The following GALNT13 variants were observed in gnomAD, a reference collection of about 807,000 sequenced individuals.
GALNT13 encodes the protein polypeptide N-acetylgalactosaminyltransferase 13.
A neutral mutation model predicts 64.2 loss-of-function variants in GALNT13; 28 were observed. That is an observed-to-expected ratio of 0.44 (90% CI 0.32 to 0.60). The LOEUF (loss-of-function observed/expected upper bound fraction) is 0.60. Ranked by LOEUF, GALNT13 falls within the 20% of genes least tolerant of loss-of-function variation. The probability of loss-of-function intolerance (pLI) is 0.05; values close to 1 mark genes in which losing one functional copy is unlikely to be tolerated. For synonymous variants in GALNT13, 214 were observed against 224.6 expected (o/e 0.95, Z 0.42); for missense variants, 577 against 669.8 (o/e 0.86, Z 1.53).
At chr2:153,777,271 A>G in the GALNT13 span, among the ~76,000 whole-genome samples, 5,023 of 152,200 alleles carry the variant, frequency 0.033, 111 homozygotes, top group African/African-American at 0.048. Context: ...AGTCACCTCT[A>G]TTATCTTTGT....
chr2:153,641,057 G>C, the GALNT13 span, among the ~76,000 whole-genome samples: 1 of 152,048 alleles, frequency 6.6e-6, no homozygotes, highest in African/African-American at 2.4e-5. Flanking sequence ...AATGGTTCAA[G>C]CATTCTTTGC....
At chr2:153,882,780 C>G (rs1257558862) in intron 1 of GALNT13, among the ~76,000 whole-genome samples, 1 of 151,810 alleles carries the variant, frequency 6.6e-6, no homozygotes, top group Non-Finnish European at 1.5e-5. Context: ...AGAAATGTCT[C>G]ACCACACCCA....
chr2:154,370,572 A>G (rs754387700), intron 9 of GALNT13, among the ~76,000 whole-genome samples: 1 of 152,126 alleles, frequency 6.6e-6, no homozygotes, highest in African/African-American at 2.4e-5. Flanking sequence ...TAAGTTTCTT[A>G]TGAGCTGCTG....
chr2:154,284,550 C>CACACACAT (rs1271083683), intron 8 of GALNT13, among the ~76,000 whole-genome samples: 1 of 150,872 alleles, frequency 6.6e-6, no homozygotes, highest in African/African-American at 2.4e-5. Flanking sequence ...CACACACACA[C>CACACACAT]ATATATATGT....
the GALNT13 span, among the ~76,000 whole-genome samples, chr2:153,293,217 A>G: frequency 6.6e-6 from 1 of 152,048 alleles, no homozygotes; most frequent in Admixed American, 6.6e-5. Flanking sequence ...GAAACCCGTA[A>G]ATAGGTTACT....
chr2:154,005,080 T>A (rs534327204), intron 3 of GALNT13, among the ~76,000 whole-genome samples: 1 of 152,300 alleles, frequency 6.6e-6, no homozygotes, highest in East Asian at 1.9e-4. Context: ...CAAATTGATT[T>A]TCTGTATTTT....
At chr2:153,299,889 T>C in the GALNT13 span, among the ~76,000 whole-genome samples, 1 of 152,254 alleles carries the variant, frequency 6.6e-6, no homozygotes, top group African/African-American at 2.4e-5. Flanking sequence ...TTTGTTCTCA[T>C]TCTGTCCTTG....
chr2:153,825,490 C>CA, the GALNT13 span, among the ~76,000 whole-genome samples: 4 of 152,102 alleles, frequency 2.6e-5, no homozygotes, highest in Admixed American at 2.6e-4. Flanking sequence ...TAGCGCAGTG[C>CA]AAAATTATAC....
intron 3 of GALNT13, among the ~76,000 whole-genome samples, chr2:154,071,528 A>G (rs1700740620): frequency 6.6e-6 from 1 of 152,162 alleles, no homozygotes; most frequent in South Asian, 2.1e-4. Flanking sequence ...TTGAACTTTA[A>G]ATACTATGTT....
intron 8 of GALNT13, among the ~76,000 whole-genome samples, chr2:154,270,377 T>C (rs1691288566): frequency 6.6e-6 from 1 of 152,002 alleles, no homozygotes; most frequent in African/African-American, 2.4e-5. Flanking sequence ...TCTCTGGTTC[T>C]CTTTTATATT....
At chr2:153,762,076 G>A in the GALNT13 span, 1 of 152,252 alleles carries the variant, frequency 6.6e-6, no homozygotes, top group African/African-American at 2.4e-5. Context: ...TCTGTCTTTA[G>A]GACTGATTCA....
chr2:153,410,507 A>G, the GALNT13 span, among the ~76,000 whole-genome samples: 1 of 152,230 alleles, frequency 6.6e-6, no homozygotes, highest in Admixed American at 6.5e-5. Flanking sequence ...CCAAGCCCAA[A>G]TCACTCATTT....
the GALNT13 span, among the ~76,000 whole-genome samples, chr2:153,616,744 A>G: frequency 6.6e-6 from 1 of 152,040 alleles, no homozygotes. Context: ...TGACATATAG[A>G]AATTCTACTG....
chr2:154,053,277 G>A (rs1027980048), intron 3 of GALNT13, among the ~76,000 whole-genome samples: 4 of 152,058 alleles, frequency 2.6e-5, no homozygotes, highest in Non-Finnish European at 4.4e-5. Flanking sequence ...TCAATTCTTC[G>A]CATTAACATC....
the GALNT13 span, among the ~76,000 whole-genome samples, chr2:153,209,806 G>A: frequency 1.3e-5 from 2 of 152,088 alleles, no homozygotes; most frequent in African/African-American, 4.8e-5. Flanking sequence ...TTTGAGAACA[G>A]TGTTTCTTTG....
intron 3 of GALNT13, among the ~76,000 whole-genome samples, chr2:154,047,914 T>C (rs760328096): frequency 6.6e-6 from 1 of 152,184 alleles, no homozygotes; most frequent in Non-Finnish European, 1.5e-5. Flanking sequence ...CTCACCCAAG[T>C]TGTGACAACT....
chr2:154,322,257 C>T (rs1358696110), intron 9 of GALNT13, among the ~76,000 whole-genome samples: 1 of 139,536 alleles, frequency 7.2e-6, no homozygotes, highest in East Asian at 2.3e-4. Context: ...ATTTCTAATT[C>T]CAACTTCACC....
At chr2:154,007,882 T>C (rs930197324) in intron 3 of GALNT13, among the ~76,000 whole-genome samples, 1 of 151,956 alleles carries the variant, frequency 6.6e-6, no homozygotes, top group Non-Finnish European at 1.5e-5. Flanking sequence ...AACTATGGCC[T>C]AATCTAGACT....
the GALNT13 span, among the ~76,000 whole-genome samples, chr2:153,626,614 C>A: frequency 6.6e-6 from 1 of 152,026 alleles, no homozygotes; most frequent in Non-Finnish European, 1.5e-5. Flanking sequence ...ACTGGACTTA[C>A]AATAAAAAAC....
Sources: allele counts gnomAD v4.1 joint callset (sites outside exome capture counted in the v4.1 genomes callset), GRCh38; gene constraint gnomAD v4.1.1; transcripts MANE v1.5; gene names NCBI Gene and HGNC (gene_info 2026-07-23, HGNC 2026-07-21).